Variants in FXYD5 observed in about 807,000 individuals in gnomAD.
The protein encoded by FXYD5 is FXYD domain-containing ion transport regulator 5.
Under a neutral mutation model 25.7 loss-of-function variants are expected in FXYD5, and 21 were observed. The ratio of observed to expected loss-of-function variants is 0.82; its 90% CI spans 0.58 to 1.18. The LOEUF (loss-of-function observed/expected upper bound fraction) is 1.18, where lower values mean the gene tolerates loss of function less well. Ranked by LOEUF, FXYD5 falls within the 50% of genes most tolerant of loss-of-function variation. The probability of loss-of-function intolerance (pLI) is 0.00; values close to 1 mark genes in which losing one functional copy is unlikely to be tolerated. For synonymous variants in FXYD5, 101 were observed against 90.7 expected (o/e 1.11, Z -0.64); for missense variants, 229 against 227.7 (o/e 1.01, Z -0.04).
rs557470112 is a variant in FXYD5, at chr19:35,156,186, G to A, written c.61+575G>A. Among the ~76,000 whole-genome samples the A allele has an allele frequency of 1.2e-3, 186 of 152,340 alleles. 1 individual carries two copies. The highest frequency in any genetic ancestry group is 4.1e-3 in the African/African-American group (171 of 41,572). Reference sequence around the variant, plus strand: ...ACTGATGAGGAAACTGAGGCTCAGCGAAGGGAAGTGCCCTGTGTCAGAGGA... The same window carrying A: ...ACTGATGAGGAAACTGAGGCTCAGCAAAGGGAAGTGCCCTGTGTCAGAGGA... On this transcript the variant is annotated intron_variant, in intron 2 of 8. Coordinates refer to ENST00000392219, the MANE Select transcript of FXYD5 (RefSeq NM_014164.6).
At chr19:35,158,180 G>A (rs1187013494) in intron 3 of FXYD5, among the ~76,000 whole-genome samples, 164 bp from the exon 4 acceptor site, 1 of 152,236 alleles carries the variant, frequency 6.6e-6, no homozygotes, top group Non-Finnish European at 1.5e-5. Flanking sequence ...GGGACATATT[G>A]GTTACACATT....
At chr19:35,160,663 G>T (rs764873041) in intron 4 of FXYD5, 46 bp from the exon 5 acceptor site, 2 of 1,332,510 alleles carry the variant, frequency 1.5e-6, no homozygotes, top group Non-Finnish European at 2.2e-6. Flanking sequence ...TCTTTCCCCA[G>T]TGACTCTTTC....
chr19:35,162,573 A>G lies in FXYD5; in HGVS notation c.293-1583A>G, dbSNP rs2065415736. On this transcript the variant is annotated intron_variant, in intron 5 of 8. Transcript: ENST00000392219. ...GGGTGGGCTTGTGAGCTTGAAAGCA[A>G]GCTCTCTGGTGTCTTCTTATAAGGG... 2.0e-5 allele frequency among the ~76,000 whole-genome samples: 3 copies of G among 152,028 alleles called. No homozygotes were observed. The South Asian group carries it at 6.2e-4, about 32-fold the overall frequency.
intron 8 of FXYD5, among the ~76,000 whole-genome samples, chr19:35,167,552 A>C (rs1292201089): frequency 6.6e-6 from 1 of 152,234 alleles, no homozygotes; most frequent in Non-Finnish European, 1.5e-5. Context: ...AATAACAAGC[A>C]GAGAAACTAA....
At position 35,164,154 on chromosome 19, in the gene FXYD5, A is replaced by G. The variant is rs374770117; in HGVS notation, c.293-2A>G. ...CCTCCACTGATCTGGCCACTCTCTC[A>G]GCTCATCCCACTGATGACACCACGA... is the stretch of plus-strand genomic sequence containing the variant. On this transcript the variant is annotated splice_acceptor_variant, in intron 5 of 8. Transcript: ENST00000392219. LOFTEE classifies it high-confidence loss of function. The G allele has an allele frequency of 6.2e-7, 1 of 1,613,296 alleles. No homozygotes were observed. The highest frequency in any genetic ancestry group is 8.5e-7 in the Non-Finnish European group (1 of 1,179,846).
At chr19:35,167,982 G>C (rs1034599906) in intron 8 of FXYD5, among the ~76,000 whole-genome samples, 1 of 152,094 alleles carries the variant, frequency 6.6e-6, no homozygotes, top group African/African-American at 2.4e-5. Flanking sequence ...ACTTTGGGAG[G>C]CCAAGGTGGG....
intron 6 of FXYD5, 81 bp from the exon 7 acceptor site, chr19:35,166,061 C>T (rs2145427983): frequency 1.5e-6 from 2 of 1,335,140 alleles, no homozygotes; most frequent in East Asian, 4.6e-5. Flanking sequence ...CCAGGTATCC[C>T]CCTTTCCTGA....
In FXYD5 at chr19:35,157,606, G is replaced by A. The variant is rs752753722; in HGVS notation, c.142+105G>A. On this transcript the variant is annotated intron_variant, in intron 3 of 8. Transcript: ENST00000392219. ...AAGGGAATTTATGGATTTATGTAAC[G>A]AAAAAGTCCAGGTACAGACCTTCAG... is the stretch of plus-strand genomic sequence containing the variant. 34 of 666,296 alleles carry A rather than the reference G, an allele frequency of 5.1e-5. 1 individual carries two copies. Among genetic ancestry groups the A allele is most frequent in the South Asian group, 2.8e-4 (17 of 61,554 alleles). 41.3% of individuals were successfully genotyped at this position (666,296 alleles called of 1,614,324 possible).
intron 5 of FXYD5, chr19:35,163,955 G>A (rs1300213187): frequency 2.7e-6 from 4 of 1,455,660 alleles, no homozygotes; most frequent in Non-Finnish European, 1.8e-6. Flanking sequence ...TCGCAACCGG[G>A]GCTATGTGCT....
intron 6 of FXYD5, among the ~76,000 whole-genome samples, chr19:35,164,545 G>A (rs1202912039): frequency 1.3e-5 from 2 of 152,168 alleles, no homozygotes; most frequent in Admixed American, 6.5e-5. Flanking sequence ...TGGTTCTTCT[G>A]GTTTCAGCTG....
At chr19:35,164,549 T>C (rs1469251906) in intron 6 of FXYD5, among the ~76,000 whole-genome samples, 2 of 152,242 alleles carry the variant, frequency 1.3e-5, no homozygotes, top group Non-Finnish European at 2.9e-5. Flanking sequence ...TCTTCTGGTT[T>C]CAGCTGGACT....
intron 8 of FXYD5, among the ~76,000 whole-genome samples, chr19:35,167,568 T>A (rs1219262791): frequency 6.6e-6 from 1 of 152,202 alleles, no homozygotes; most frequent in Non-Finnish European, 1.5e-5. Flanking sequence ...ACTAATTTTT[T>A]AAAAAGGTTT....
chr19:35,156,176 G>A (rs1259500592), intron 2 of FXYD5, among the ~76,000 whole-genome samples: 1 of 152,204 alleles, frequency 6.6e-6, no homozygotes, highest in Non-Finnish European at 1.5e-5. Flanking sequence ...TGAGGAAACT[G>A]AGGCTCAGCG....
intron 3 of FXYD5, 24 bp from the exon 4 acceptor site, chr19:35,158,319 GT>G (rs1568411535): frequency 6.5e-7 from 1 of 1,547,130 alleles, no homozygotes; most frequent in Non-Finnish European, 8.9e-7. Context: ...TTTTCTCTCC[GT>G]GACTCCTTGT....
At chr19:35,162,549 G>T (rs900953042) in intron 5 of FXYD5, among the ~76,000 whole-genome samples, 12 of 152,046 alleles carry the variant, frequency 7.9e-5, no homozygotes, top group Admixed American at 3.9e-4. Context: ...TCCATGTGTG[G>T]GTGGGCTTGT....
rs73044006 is a variant in FXYD5 at position 35,159,407 on chromosome 19, T to C, written c.199+1007T>C. 7.7e-3 allele frequency: 11,173 copies of C among 1,450,360 alleles called. 46 individuals are homozygous for C. Among genetic ancestry groups the C allele is most frequent in the Non-Finnish European group, 9.2e-3 (10,062 of 1,089,366 alleles). 89.8% of individuals were successfully genotyped at this position (1,450,360 alleles called of 1,614,324 possible). Reference sequence around the variant, plus strand: ...TGTGAGCTTAAGGAGACCTTATGATTGTTCTGCAGCTTGCTTTGTTTCTTC... The same window carrying C: ...TGTGAGCTTAAGGAGACCTTATGATCGTTCTGCAGCTTGCTTTGTTTCTTC... On this transcript the variant is annotated intron_variant, in intron 4 of 8. Transcript: ENST00000392219.
At chr19:35,159,714 C>G (rs2065388071) in intron 4 of FXYD5, 4 of 1,455,660 alleles carry the variant, frequency 2.7e-6, no homozygotes, top group Non-Finnish European at 3.6e-6. Context: ...TCAACCTTCA[C>G]GCAAACCCTA....
intron 4 of FXYD5, among the ~76,000 whole-genome samples, 184 bp downstream of exon 4, chr19:35,158,584 G>A (rs1198529332): frequency 2.6e-5 from 4 of 152,044 alleles, no homozygotes; most frequent in South Asian, 2.1e-4. Flanking sequence ...AAACCAAAAC[G>A]CTTTTGAAAT....
chr19:35,160,631 C>A, intron 4 of FXYD5, 78 bp from the exon 5 acceptor site: 1 of 980,786 alleles, frequency 1.0e-6, no homozygotes, highest in Non-Finnish European at 1.6e-6. Context: ...CAGACATAAG[C>A]CACCGCGCCC....
Sources: gnomAD v4.1 joint callset for allele counts (sites outside exome capture counted in the v4.1 genomes callset) on GRCh38, gnomAD v4.1.1 for gene constraint, MANE v1.5 for transcripts, NCBI Gene and HGNC (gene_info 2026-07-23, HGNC 2026-07-21) for gene names.